The following UCKL1 variants were observed in gnomAD, a reference collection of about 807,000 sequenced individuals.
The protein encoded by UCKL1 is uridine-cytidine kinase-like 1.
A neutral mutation model predicts 59.2 loss-of-function variants in UCKL1; 65 were observed. The ratio of observed to expected loss-of-function variants is 1.10; its 90% CI spans 0.90 to 1.35. The LOEUF is 1.35. Among genes scored for constraint, UCKL1 ranks in the 40% most tolerant of loss-of-function variants. The pLI is 0.00. For missense variants in UCKL1, 703 were observed against 784.3 expected, an observed-to-expected ratio of 0.90 and a Z score of 1.24; for synonymous variants, 410 against 323.1, an observed-to-expected ratio of 1.27 and a Z score of -2.88.
rs1569088809 is a variant in UCKL1, at chr20:63,946,159, A to G, written c.411+2T>C. ...CCTCGGGGGAGCTGGGCGGGGGCCC[A>G]CCTTGTAGAAGGAGTCCATGGACAG... On this transcript the variant is annotated splice_donor_variant, in intron 3 of 14. Transcript: ENST00000354216. LOFTEE classifies it high-confidence loss of function. The G allele has an allele frequency of 1.2e-6, 2 of 1,611,990 alleles. No individual in the cohort carries two copies. The highest frequency in any genetic ancestry group is 1.7e-6 in the Non-Finnish European group (2 of 1,179,552).
rs555619442 is a variant in UCKL1 at position 63,950,627 on chromosome 20, G to A, written c.114-3984C>T. Reference sequence around the variant, plus strand: ...GCACCTTCGACCCTGGGCTCTGCCCGGTGCCCGAGAGCACCTGCCAGCCTG... The same window carrying A: ...GCACCTTCGACCCTGGGCTCTGCCCAGTGCCCGAGAGCACCTGCCAGCCTG... On this transcript the variant is annotated intron_variant, in intron 1 of 14. Coordinates refer to ENST00000354216, the MANE Select transcript of UCKL1 (RefSeq NM_017859.4). The A allele has an allele frequency of 3.6e-4, 393 of 1,091,204 alleles. 17 individuals are homozygous for A. The Admixed American group carries it at 0.014, about 40-fold the overall frequency. 67.6% of individuals were successfully genotyped at this position (1,091,204 alleles called of 1,614,324 possible). A position where few individuals can be genotyped will look rare whatever the true frequency, so the allele number is the denominator to read the frequency against.
At chr20:63,942,411 G>C (rs1417162821) in intron 8 of UCKL1, 18 of 1,170,392 alleles carry the variant, frequency 1.5e-5, no homozygotes, top group Non-Finnish European at 1.8e-5. Flanking sequence ...CGGGAGCAGC[G>C]GGGCAAGGGG....
rs992804567 is a variant in UCKL1, at chr20:63,942,537, A to G, written c.923+1116T>C. The G allele has an allele frequency of 3.6e-6, 4 of 1,111,488 alleles. No individual in the cohort carries two copies. In the African/African-American group the frequency reaches 5.0e-5, roughly 14 times the overall value. The allele number at this position is 1,111,488 out of a possible 1,614,324, so 68.9% of individuals were successfully genotyped here. A position where few individuals can be genotyped will look rare whatever the true frequency, so the allele number is the denominator to read the frequency against. On this transcript the variant is annotated intron_variant, in intron 8 of 14. Transcript: ENST00000354216. ...GTTCAGGGAGGGAACAAGGCAGGAA[A>G]CGGGGGTTTACAGAGAGAAGGAAGA...
At position 63,940,029 on chromosome 20, in the gene UCKL1, T is replaced by C; in HGVS notation, c.1594A>G (p.Thr532Ala). The change falls in exon 15 of 15, where the codon ACA (threonine) becomes GCA (alanine). Residue 532 changes from threonine to alanine, a missense_variant. Physicochemically the swap from Thr to Ala is moderately conservative, Grantham distance 58. Coordinates refer to ENST00000354216, the MANE Select transcript of UCKL1 (RefSeq NM_017859.4). ...IGNFGDRYFG[T>A]DAVPDGSDEE... ...TCACTGCCATCGGGGACCGCGTCTG[T>C]CCCAAAGTAGCGGTCGCCAAAGTTC... 2 of 1,352,214 alleles carry C rather than the reference T, an allele frequency of 1.5e-6. No homozygotes were observed. The highest frequency in any genetic ancestry group is 2.0e-6 in the Non-Finnish European group (2 of 997,734). 83.8% of individuals were successfully genotyped at this position (1,352,214 alleles called of 1,614,324 possible). A position where few individuals can be genotyped will look rare whatever the true frequency, so the allele number is the denominator to read the frequency against.
Position 63,945,849 on chromosome 20 carries a change from C to T in UCKL1, c.538G>A (p.Val180Met). ...KKLKQGKSVKVPIYDFTTHSR... is the reference protein window; with the variant it reads ...KKLKQGKSVKMPIYDFTTHSR... ...TGCGTGGTGAAGTCATAAATGGGCA[C>T]CTTGACACTCTTCCCCTGCTTCAGC... Residue 180 changes from valine to methionine, a missense_variant, in exon 4 of 15, where the codon GTG becomes ATG. Val to Met is a conservative substitution (Grantham distance 21). Coordinates refer to ENST00000354216, the MANE Select transcript of UCKL1 (RefSeq NM_017859.4). 6.2e-7 allele frequency: 1 copy of T among 1,613,684 alleles called. No individual in the cohort carries two copies.
At chr20:63,945,516 T>C in intron 5 of UCKL1, 135 bp downstream of exon 5, 2 of 852,516 alleles carry the variant, frequency 2.3e-6, no homozygotes, top group Non-Finnish European at 3.6e-6. Flanking sequence ...GGGGTTGGGG[T>C]TGGGGTAGGG....
At position 63,941,221 on chromosome 20, in the gene UCKL1, C is replaced by T. The variant is rs750622395; in HGVS notation, c.924-13G>A. ...GGCCAGCGCAGCCCTGGGGACAAAC[C>T]GATGGGGAACACTCAAGAAGGGGGT... On this transcript the variant is annotated splice_polypyrimidine_tract_variant and intron_variant, in intron 8 of 14. Coordinates refer to ENST00000354216, the MANE Select transcript of UCKL1 (RefSeq NM_017859.4). 9 of 1,497,518 alleles carry T rather than the reference C, an allele frequency of 6.0e-6. No individual in the cohort carries two copies. Among genetic ancestry groups the T allele is most frequent in the South Asian group, 1.3e-5 (1 of 78,158 alleles). The allele number at this position is 1,497,518 out of a possible 1,614,324, so 92.8% of individuals were successfully genotyped here. A position where few individuals can be genotyped will look rare whatever the true frequency, so the allele number is the denominator to read the frequency against.
rs867789892 is a variant in UCKL1, at chr20:63,941,167, C to A, written c.965G>T (p.Arg322Leu). The A allele has an allele frequency of 1.3e-6, 2 of 1,574,392 alleles. No homozygotes were observed. Among genetic ancestry groups the A allele is most frequent in the Admixed American group, 1.8e-5 (1 of 55,382 alleles). Reference sequence around the variant, plus strand: ...CGTGCTCTTCAGGACGCTCAGCGTCCGGGGCAGCGGGTGGCACTGGTGTGC... The same window carrying A: ...CGTGCTCTTCAGGACGCTCAGCGTCAGGGGCAGCGGGTGGCACTGGTGTGC... ...ASAHQCHPLP[R>L]TLSVLKSTPQ... The change falls in exon 9 of 15, where the codon CGG becomes CTG. Residue 322 changes from arginine to leucine, a missense_variant. Physicochemically the swap from Arg to Leu is moderately radical, Grantham distance 102 (BLOSUM62 -2). Coordinates refer to ENST00000354216, the MANE Select transcript of UCKL1 (RefSeq NM_017859.4).
At chr20:63,942,613 TGAG>T (rs779550472) in intron 8 of UCKL1, 9 of 638,800 alleles carry the variant, frequency 1.4e-5, no homozygotes, top group East Asian at 1.3e-4. Context: ...CCCGCAGGCC[TGAG>T]GAGGAGTGTG....
At chr20:63,943,549 C>T (rs2055265511) in intron 8 of UCKL1, 104 bp downstream of exon 8, 2 of 1,557,180 alleles carry the variant, frequency 1.3e-6, no homozygotes, top group East Asian at 4.5e-5. Flanking sequence ...CCTTCTGTGA[C>T]TGGGGAAGAG....
intron 2 of UCKL1, 23 bp from the exon 3 acceptor site, chr20:63,946,290 T>C (rs770006478): frequency 6.4e-7 from 1 of 1,567,924 alleles, no homozygotes; most frequent in African/African-American, 1.4e-5. Flanking sequence ...GTGGAGACCC[T>C]CTGTGAGGAA....
At chr20:63,943,307 T>C (rs111873930) in intron 8 of UCKL1, among the ~76,000 whole-genome samples, 2,928 of 152,256 alleles carry the variant, frequency 0.019, 80 homozygotes, top group African/African-American at 0.066. Context: ...GGGACATGTC[T>C]GTAGTCACTG....
chr20:63,939,936 C>A lies in UCKL1; in HGVS notation c.*40G>T, dbSNP rs532261542. On this transcript the variant is annotated 3_prime_UTR_variant, in exon 15 of 15. Coordinates refer to ENST00000354216, the MANE Select transcript of UCKL1 (RefSeq NM_017859.4). The stretch of plus-strand genomic sequence containing the variant: ...TATTCAGCAGTCCTGGGTCAGGAGG[C>A]AGGAGGAGGGTGGTGGGGACGGGAT... 6.4e-7 allele frequency: 1 copy of A among 1,570,770 alleles called. No individual in the cohort carries two copies. Among genetic ancestry groups the A allele is most frequent in the South Asian group, 1.1e-5 (1 of 90,012 alleles).
At chr20:63,945,412 C>T (rs528738900) in intron 5 of UCKL1, among the ~76,000 whole-genome samples, 12 of 152,364 alleles carry the variant, frequency 7.9e-5, no homozygotes, top group South Asian at 4.1e-4. Context: ...TCCAGGTATG[C>T]GCACAGGCCT....
At chr20:63,948,641 T>C (rs2057006337) in intron 1 of UCKL1, among the ~76,000 whole-genome samples, 1 of 16,088 alleles carries the variant, frequency 6.2e-5, no homozygotes, top group Non-Finnish European at 1.2e-4. Context: ...GGAAGGGGCG[T>C]GTGTGAGAGG....
rs763621453 is a variant in UCKL1 at position 63,940,067 on chromosome 20, G to GT, written c.1568-13_1568-12insA. 8.7e-7 allele frequency: 1 copy of GT among 1,144,952 alleles called. No individual in the cohort carries two copies. The highest frequency in any genetic ancestry group is 1.7e-5 in the African/African-American group (1 of 57,652). The allele number at this position is 1,144,952 out of a possible 1,614,324, so 70.9% of individuals were successfully genotyped here. On this transcript the variant is annotated splice_polypyrimidine_tract_variant and intron_variant, in intron 14 of 14. Coordinates refer to ENST00000354216, the MANE Select transcript of UCKL1 (RefSeq NM_017859.4). ...GTCGCCAAAGTTCCCTGGAAAAAGG[G>GT]GGGGGGGGGTCCAGTGTGGTGGGGC...
chr20:63,940,503 C>T lies in UCKL1; in HGVS notation c.1303-18G>A. ...TAGTGGAGCTGCGGGCAGCAGGGGT[C>T]AGGCTGCAGGTGGGGCTCCCTGCGT... On this transcript the variant is annotated intron_variant, in intron 12 of 14. Transcript: ENST00000354216. 3 of 1,607,920 alleles carry T rather than the reference C, an allele frequency of 1.9e-6. No homozygotes were observed. The highest frequency in any genetic ancestry group is 2.5e-6 in the Non-Finnish European group (3 of 1,178,664).
intron 8 of UCKL1, chr20:63,942,734 C>T (rs1422831919): frequency 4.1e-6 from 2 of 483,168 alleles, no homozygotes; most frequent in Admixed American, 4.4e-5. Context: ...CCTTGGCTGA[C>T]CAGACGACGG....
chr20:63,949,977 G>A (rs1009234881), intron 1 of UCKL1, among the ~76,000 whole-genome samples: 1 of 152,238 alleles, frequency 6.6e-6, no homozygotes, highest in African/African-American at 2.4e-5. Flanking sequence ...TCTCCAGCAG[G>A]AGCCTTCCAA....
Sources: gnomAD v4.1 joint callset for allele counts (sites outside exome capture counted in the v4.1 genomes callset) on GRCh38, gnomAD v4.1.1 for gene constraint, MANE v1.5 for transcripts, NCBI Gene and HGNC (gene_info 2026-07-23, HGNC 2026-07-21) for gene names.